TMTC2: variants seen among roughly 807,000 people sequenced by gnomAD.
TMTC2 encodes protein O-mannosyl-transferase TMTC2.
In TMTC2, 43 loss-of-function variants were observed where a neutral mutation model predicts 82.4. The ratio of observed to expected loss-of-function variants is 0.52; its 90% CI spans 0.41 to 0.67. TMTC2 has a LOEUF of 0.67. Among genes scored for constraint, TMTC2 ranks in the 30% least tolerant of loss-of-function variants. TMTC2 has a pLI of 0.00. For missense variants in TMTC2, 919 were observed against 1,012.4 expected (o/e 0.91, Z 1.25); for synonymous variants, 408 against 381.9 (o/e 1.07, Z -0.80).
chr12:83,014,854 A>G (rs1880605241), intron 8 of TMTC2, among the ~76,000 whole-genome samples: 1 of 152,168 alleles, frequency 6.6e-6, no homozygotes. Context: ...AATAGCTAGC[A>G]TTTACTGAGC....
intron 1 of TMTC2, among the ~76,000 whole-genome samples, chr12:82,732,220 A>G (rs1874853403): frequency 6.6e-6 from 1 of 152,212 alleles, no homozygotes; most frequent in South Asian, 2.1e-4. Flanking sequence ...AAAATTCTGT[A>G]TCATACTTTA....
chr12:82,692,541 G>A (rs1463827837), intron 1 of TMTC2, among the ~76,000 whole-genome samples: 1 of 152,194 alleles, frequency 6.6e-6, no homozygotes, highest in East Asian at 1.9e-4. Context: ...AAAGGATGAC[G>A]TTTACCCTTA....
chr12:82,790,093 T>C (rs1448880474), intron 1 of TMTC2, among the ~76,000 whole-genome samples: 2 of 151,236 alleles, frequency 1.3e-5, no homozygotes, highest in African/African-American at 4.9e-5. Flanking sequence ...TCTCAGCTAC[T>C]TAGGAGGCTG....
intron 1 of TMTC2, among the ~76,000 whole-genome samples, chr12:82,787,843 G>A (rs1878256028): frequency 6.6e-6 from 1 of 151,990 alleles, no homozygotes; most frequent in Non-Finnish European, 1.5e-5. Flanking sequence ...CCTGGGAGGT[G>A]GAGGTAGCAG....
intron 1 of TMTC2, among the ~76,000 whole-genome samples, chr12:82,802,099 G>A (rs946071199): frequency 5.9e-5 from 9 of 152,090 alleles, no homozygotes; most frequent in Non-Finnish European, 1.0e-4. Flanking sequence ...GGTGGCGTTC[G>A]TGGGGGAGGC....
chr12:82,864,261 G>A (rs1003309626), intron 2 of TMTC2, among the ~76,000 whole-genome samples: 4 of 151,942 alleles, frequency 2.6e-5, no homozygotes, highest in African/African-American at 9.7e-5. Flanking sequence ...CAAAATGTTG[G>A]GAAACAATGC....
intron 4 of TMTC2, among the ~76,000 whole-genome samples, chr12:82,946,232 A>G (rs1457732358): frequency 1.3e-5 from 2 of 152,194 alleles, no homozygotes; most frequent in African/African-American, 4.8e-5. Flanking sequence ...TACTTTGTAT[A>G]TTGCTAAAAT....
intron 11 of TMTC2, among the ~76,000 whole-genome samples, chr12:83,122,111 T>C (rs1026625849): frequency 2.6e-5 from 4 of 151,774 alleles, no homozygotes; most frequent in African/African-American, 9.7e-5. Context: ...ACTGAGTCTG[T>C]TTCCAGGCAG....
At position 82,930,436 on chromosome 12, in the gene TMTC2, G is replaced by C. The variant is rs1163299619; in HGVS notation, c.1489G>C (p.Gly497Arg). 6.3e-7 allele frequency: 1 copy of C among 1,581,666 alleles called. No individual in the cohort carries two copies. Among genetic ancestry groups the C allele is most frequent in the African/African-American group, 1.3e-5 (1 of 74,174 alleles). Residue 497 changes from glycine (G) to arginine (R), a missense_variant, in exon 4 of 12, where the codon GGT (glycine) becomes CGT (arginine). By Grantham distance (125) the Gly-to-Arg change is moderately radical (BLOSUM62 -2). Transcript: ENST00000321196. Reference sequence around the variant, plus strand: ...TTTCTTTTTCTTCTTGGCAGCATGGGGTAACCTTGGAAATGTTCTGAAGAG... The same window carrying C: ...TTTCTTTTTCTTCTTGGCAGCATGGCGTAACCTTGGAAATGTTCTGAAGAG... ...GIKVNPAKAW[G>R]NLGNVLKSQS...
chr12:82,940,619 T>A (rs964836579), intron 4 of TMTC2, among the ~76,000 whole-genome samples: 1 of 151,924 alleles, frequency 6.6e-6, no homozygotes, highest in Non-Finnish European at 1.5e-5. Context: ...TTTTTTTTTT[T>A]CCTCTGGTGG....
intron 8 of TMTC2, chr12:82,986,688 G>T (rs1337719050): frequency 2.0e-5 from 3 of 152,418 alleles, no homozygotes; most frequent in Non-Finnish European, 4.4e-5. Flanking sequence ...CTATCTGATG[G>T]CCTCTTACTA....
At chr12:82,807,616 A>T (rs1879305169) in intron 1 of TMTC2, among the ~76,000 whole-genome samples, 1 of 152,124 alleles carries the variant, frequency 6.6e-6, no homozygotes, top group Admixed American at 6.6e-5. Flanking sequence ...TCTTAGGGGA[A>T]TTATATATGG....
intron 4 of TMTC2, among the ~76,000 whole-genome samples, chr12:82,942,095 C>A (rs948360796): frequency 2.6e-4 from 40 of 152,258 alleles, no homozygotes; most frequent in African/African-American, 9.6e-4. Context: ...GGATTAAGTT[C>A]TCTTTTCTTT....
chr12:82,795,157 T>C (rs1341163639), intron 1 of TMTC2, among the ~76,000 whole-genome samples: 1 of 151,570 alleles, frequency 6.6e-6, no homozygotes, highest in Non-Finnish European at 1.5e-5. Context: ...ATACAAAAAT[T>C]AGCTGGGCTT....
At chr12:82,836,134 G>A (rs1467963439) in intron 1 of TMTC2, among the ~76,000 whole-genome samples, 2 of 137,326 alleles carry the variant, frequency 1.5e-5, no homozygotes, top group Non-Finnish European at 2.9e-5. Flanking sequence ...AATGCCTCTG[G>A]AGAATGGAAT....
chr12:82,781,727 A>T (rs1174269537), intron 1 of TMTC2, among the ~76,000 whole-genome samples: 3 of 146,764 alleles, frequency 2.0e-5, no homozygotes, highest in Non-Finnish European at 4.5e-5. Context: ...TTGGAGAGGA[A>T]AGTGAAAGGC....
rs998183859 is a variant in TMTC2, at chr12:82,857,134, A to G, written c.208A>G (p.Thr70Ala). 6.2e-7 allele frequency: 1 copy of G among 1,613,812 alleles called. No individual in the cohort carries two copies. The highest frequency in any genetic ancestry group is 1.3e-5 in the African/African-American group (1 of 74,840). ...CCACAAGTCCTACCGGCCACTCTGC[A>G]CTCTTTCTTTTCGCCTGAACCATGC... ...GSHKSYRPLC[T>A]LSFRLNHAIG... is the part of the protein sequence containing the mutation. Residue 70 changes from threonine to alanine, a missense_variant, in exon 2 of 12, where the codon ACT (threonine) becomes GCT (alanine). Transcript: ENST00000321196.
At chr12:82,964,410 G>A (rs951037440) in intron 4 of TMTC2, among the ~76,000 whole-genome samples, 5 of 152,088 alleles carry the variant, frequency 3.3e-5, no homozygotes, top group Non-Finnish European at 5.9e-5. Flanking sequence ...ACAGTGAACT[G>A]AAATTTGCAT....
chr12:82,745,166 C>T (rs1295229339), intron 1 of TMTC2, among the ~76,000 whole-genome samples: 3 of 151,884 alleles, frequency 2.0e-5, no homozygotes, highest in Non-Finnish European at 4.4e-5. Flanking sequence ...CGTGTGTGTG[C>T]CCTTTAATTT....
Sources: gnomAD v4.1 joint callset for allele counts (sites outside exome capture counted in the v4.1 genomes callset) on GRCh38, gnomAD v4.1.1 for gene constraint, MANE v1.5 for transcripts, NCBI Gene and HGNC (gene_info 2026-07-23, HGNC 2026-07-21) for gene names.